Variants in WDFY3 observed in about 807,000 individuals in gnomAD.
The protein encoded by WDFY3 is WD repeat and FYVE domain containing 3, also known as WD repeat and FYVE domain-containing protein 3.
In WDFY3, 66 loss-of-function variants were observed where a neutral mutation model predicts 409.6. The ratio of observed to expected loss-of-function variants is 0.16; its 90% confidence interval spans 0.13 to 0.20. The LOEUF (loss-of-function observed/expected upper bound fraction) is 0.20. WDFY3 is among the 10% of genes least tolerant of loss of function. The probability of loss-of-function intolerance (pLI) is 1.00; values close to 1 mark genes in which losing one functional copy is unlikely to be tolerated. For synonymous variants in WDFY3, 1,521 were observed against 1,537.1 expected (o/e 0.99, Z 0.25); for missense variants, 3,031 against 4,298.1 (o/e 0.71, Z 8.24).
intron 1 of WDFY3, among the ~76,000 whole-genome samples, chr4:84,963,293 G>A (rs780985016): frequency 1.1e-4 from 17 of 151,898 alleles, no homozygotes; most frequent in South Asian, 2.1e-4. Flanking sequence ...GCGTGGTGGC[G>A]AGGGTCTATA....
chr4:84,702,541 A>T (rs1731215028), intron 55 of WDFY3, 35 bp from the exon 56 acceptor site: 5 of 1,504,502 alleles, frequency 3.3e-6, no homozygotes, highest in Non-Finnish European at 3.6e-6. Context: ...CTATTAGAGA[A>T]CCGTTCCCAC....
intron 1 of WDFY3, among the ~76,000 whole-genome samples, chr4:84,946,998 G>A (rs182175831): frequency 7.9e-5 from 12 of 151,312 alleles, no homozygotes; most frequent in East Asian, 6.1e-4. Context: ...TAGTAGATAC[G>A]GAGTTTCACT....
intron 3 of WDFY3, among the ~76,000 whole-genome samples, chr4:84,861,153 G>C (rs533095678): frequency 3.9e-4 from 59 of 152,314 alleles, no homozygotes; most frequent in Non-Finnish European, 7.9e-4. Flanking sequence ...TAAGGCTGCA[G>C]TGAGCCAAGA....
chr4:84,759,676 G>T (rs1742158976), intron 32 of WDFY3, among the ~76,000 whole-genome samples: 1 of 149,106 alleles, frequency 6.7e-6, no homozygotes, highest in Non-Finnish European at 1.5e-5. Flanking sequence ...CTTTGCTGAA[G>T]TTGCTTATCA....
At chr4:84,965,921 G>GCCGCCCGTGACCCCGACCCCGAC (rs1775634301) in intron 1 of WDFY3, 1 of 152,382 alleles carries the variant, frequency 6.6e-6, no homozygotes, top group Admixed American at 6.5e-5. Context: ...CGCTCCGCTC[G>GCCGCCCGTGACCCCGACCCCGAC]CCGCCCGTGA....
intron 30 of WDFY3, among the ~76,000 whole-genome samples, chr4:84,767,093 C>A (rs1377763882): frequency 6.6e-6 from 1 of 152,158 alleles, no homozygotes; most frequent in Non-Finnish European, 1.5e-5. Flanking sequence ...ACCACACATA[C>A]AGCAAGTCCA....
intron 2 of WDFY3, among the ~76,000 whole-genome samples, chr4:84,928,823 A>G (rs1248753563): frequency 6.6e-6 from 1 of 152,218 alleles, no homozygotes; most frequent in Admixed American, 6.5e-5. Flanking sequence ...TCATGTTAAT[A>G]ACGTAGCGAA....
At chr4:84,828,597 A>G (rs1755204844) in intron 9 of WDFY3, among the ~76,000 whole-genome samples, 1 of 152,202 alleles carries the variant, frequency 6.6e-6, no homozygotes. Context: ...CTGTTGGCAG[A>G]ACAGGAATAA....
intron 46 of WDFY3, among the ~76,000 whole-genome samples, chr4:84,724,026 G>C (rs764944982): frequency 1.8e-4 from 28 of 152,118 alleles, no homozygotes; most frequent in Non-Finnish European, 3.2e-4. Flanking sequence ...ACTAATGACA[G>C]GTTTAGTTTT....
At chr4:84,765,789 C>T in intron 32 of WDFY3, 21 bp downstream of exon 32, 1 of 1,603,750 alleles carries the variant, frequency 6.2e-7, no homozygotes, top group Non-Finnish European at 8.5e-7. Flanking sequence ...TTTCAAGCAG[C>T]TGACTAGAAA....
chr4:84,799,723 C>T (rs1484632948), intron 17 of WDFY3, among the ~76,000 whole-genome samples: 2 of 152,046 alleles, frequency 1.3e-5, no homozygotes, highest in East Asian at 3.9e-4. Context: ...TTTTCAACTC[C>T]CTACAGCAGG....
intron 4 of WDFY3, among the ~76,000 whole-genome samples, chr4:84,859,506 TAA>T (rs1245035288): frequency 1.3e-5 from 2 of 152,208 alleles, no homozygotes; most frequent in East Asian, 1.9e-4. Context: ...AGGGAACCTA[TAA>T]GCCTGTGAAA....
intron 7 of WDFY3, among the ~76,000 whole-genome samples, chr4:84,833,963 T>C (rs1249785927): frequency 6.6e-6 from 1 of 152,204 alleles, no homozygotes; most frequent in Non-Finnish European, 1.5e-5. Flanking sequence ...TCCCACCAAA[T>C]GCCTGGAGAA....
chr4:84,764,220 C>A (rs1743201901), intron 32 of WDFY3, among the ~76,000 whole-genome samples: 1 of 152,166 alleles, frequency 6.6e-6, no homozygotes, highest in Non-Finnish European at 1.5e-5. Flanking sequence ...AGCATTTAAA[C>A]CTTGCATATT....
At position 84,829,810 on chromosome 4, in the gene WDFY3, A is replaced by AAAATAAATAAATAAATAAATAAAT. The variant is rs201691609; in HGVS notation, c.770-644_770-621dup. On this transcript the variant is annotated intron_variant, in intron 8 of 67. Coordinates refer to ENST00000295888, the MANE Select transcript of WDFY3 (RefSeq NM_014991.6). ...CTGGGTGACAGAGCGAGACTGTCTCAAAATAAATAAATAAATAAATAAATA... is the reference window on the plus strand; with the variant it reads ...CTGGGTGACAGAGCGAGACTGTCTCAAAATAAATAAATAAATAAATAAATAAATAAATAAATAAATAAATAAATA... 1.4e-3 allele frequency among the ~76,000 whole-genome samples: 199 copies of AAAATAAATAAATAAATAAATAAAT among 138,706 alleles called. 1 individual carries two copies. The highest frequency in any genetic ancestry group is 3.5e-3 in the Admixed American group (48 of 13,576). 91.0% of individuals were successfully genotyped at this position (138,706 alleles called of 152,430 possible).
chr4:84,798,791 G>T (rs1225238834), intron 17 of WDFY3, among the ~76,000 whole-genome samples: 1 of 151,848 alleles, frequency 6.6e-6, no homozygotes, highest in Non-Finnish European at 1.5e-5. Context: ...CACCAATATT[G>T]CCCCAACTCA....
At chr4:84,856,105 A>G (rs1759732556) in intron 4 of WDFY3, among the ~76,000 whole-genome samples, 2 of 152,040 alleles carry the variant, frequency 1.3e-5, no homozygotes, top group Non-Finnish European at 2.9e-5. Context: ...AAGCTGCCAC[A>G]AAATAATTCA....
At chr4:84,965,258 T>A (rs187080823) in intron 1 of WDFY3, among the ~76,000 whole-genome samples, 8 of 152,358 alleles carry the variant, frequency 5.3e-5, no homozygotes, top group Non-Finnish European at 8.8e-5. Context: ...TTTTTCCTTT[T>A]TAATTGTTTG....
At chr4:84,862,339 A>G (rs1459342979) in intron 3 of WDFY3, among the ~76,000 whole-genome samples, 1 of 152,240 alleles carries the variant, frequency 6.6e-6, no homozygotes. Flanking sequence ...CAACTGCTGG[A>G]AACAGTGCTA....
Sources: gnomAD v4.1 joint callset for allele counts (sites outside exome capture counted in the v4.1 genomes callset) on GRCh38, gnomAD v4.1.1 for gene constraint, MANE v1.5 for transcripts, NCBI Gene and HGNC (gene_info 2026-07-23, HGNC 2026-07-21) for gene names.